Variants in BBOX1 observed in about 807,000 individuals in gnomAD.
BBOX1 encodes gamma-butyrobetaine hydroxylase 1.
Under a neutral mutation model 41.6 loss-of-function variants are expected in BBOX1, and 35 were observed. That is an observed-to-expected ratio of 0.84 (90% CI 0.64 to 1.11). BBOX1 has a LOEUF of 1.11. Ranked by LOEUF, BBOX1 falls within the 50% of genes most tolerant of loss-of-function variation. BBOX1 has a pLI of 0.00. For missense variants in BBOX1, 458 were observed against 460.6 expected, an observed-to-expected ratio of 0.99 and a Z score of 0.05; for synonymous variants, 163 against 154.7, an observed-to-expected ratio of 1.05 and a Z score of -0.40.
chr11:27,124,423 C>T (rs189685853), intron 7 of BBOX1, among the ~76,000 whole-genome samples: 4 of 152,302 alleles, frequency 2.6e-5, no homozygotes, highest in Non-Finnish European at 5.9e-5. Flanking sequence ...AAAAGAGTTT[C>T]CTCTTTTTGC....
intron 5 of BBOX1, among the ~76,000 whole-genome samples, chr11:27,107,665 C>T (rs1049918149): frequency 6.6e-6 from 1 of 152,016 alleles, no homozygotes; most frequent in African/African-American, 2.4e-5. Flanking sequence ...CTTCATCTCA[C>T]CAAGGCCTCA....
chr11:27,057,152 G>C lies in BBOX1; in HGVS notation c.220-49G>C, dbSNP rs201285190. ...CATTCAAAAACAGAGCAATAGTGGA[G>C]AACGGAAATAAAATCCACATAGGTG... is the stretch of plus-strand genomic sequence containing the variant. On this transcript the variant is annotated intron_variant, in intron 3 of 8. Transcript: ENST00000263182. 1.6e-4 allele frequency: 205 copies of C among 1,277,348 alleles called. 2 individuals carry two copies. The highest frequency in any genetic ancestry group is 9.8e-5 in the Non-Finnish European group (90 of 922,876). 79.1% of individuals were successfully genotyped at this position (1,277,348 alleles called of 1,614,324 possible).
chr11:27,061,654 G>T (rs757564925), intron 4 of BBOX1, among the ~76,000 whole-genome samples: 10 of 152,086 alleles, frequency 6.6e-5, no homozygotes, highest in South Asian at 2.1e-4. Context: ...TTGGAGTGAG[G>T]GTTACAGAGC....
chr11:27,047,905 A>G (rs1377177520), intron 2 of BBOX1, among the ~76,000 whole-genome samples: 1 of 152,136 alleles, frequency 6.6e-6, no homozygotes, highest in African/African-American at 2.4e-5. Context: ...TATTACTACT[A>G]TTGTAATCTT....
At chr11:27,115,656 T>A in intron 6 of BBOX1, 99 bp downstream of exon 6, 1 of 1,074,332 alleles carries the variant, frequency 9.3e-7, no homozygotes, top group Non-Finnish European at 1.3e-6. Context: ...AGGTAGTTTG[T>A]CTTTTATAAA....
chr11:27,090,884 C>G (rs1022225198), intron 4 of BBOX1, among the ~76,000 whole-genome samples: 1 of 151,862 alleles, frequency 6.6e-6, no homozygotes, highest in African/African-American at 2.4e-5. Context: ...CGATCTCTTC[C>G]CTACTTGCAC....
intron 5 of BBOX1, 29 bp from the exon 6 acceptor site, chr11:27,115,422 GT>G (rs2134094610): frequency 6.4e-7 from 1 of 1,574,730 alleles, no homozygotes; most frequent in East Asian, 2.3e-5. Context: ...GTGACAACCT[GT>G]TTAAACATGT....
At chr11:27,125,854 C>G (rs1431844760) in intron 8 of BBOX1, 34 bp downstream of exon 8, 1 of 1,587,326 alleles carries the variant, frequency 6.3e-7, no homozygotes, top group Non-Finnish European at 8.6e-7. Context: ...TAACCAAAAG[C>G]ATGGATTTTC....
intron 5 of BBOX1, among the ~76,000 whole-genome samples, chr11:27,095,082 G>A (rs1858389703): frequency 6.6e-6 from 1 of 151,978 alleles, no homozygotes; most frequent in Non-Finnish European, 1.5e-5. Context: ...AAAGGAACCA[G>A]AGTCTGTCCT....
In BBOX1 at chr11:27,041,466, G is replaced by C. The variant is rs1199263280; in HGVS notation, c.-51G>C. 1 of 152,188 alleles carries C rather than the reference G, an allele frequency of 6.6e-6. No homozygotes were observed. Among genetic ancestry groups the C allele is most frequent in the South Asian group, 2.1e-4 (1 of 4,828 alleles). 9.4% of individuals were successfully genotyped at this position (152,188 alleles called of 1,614,324 possible). ...AAGGATCTAAGGACCAAAGCTGACA[G>C]TTTCTTTACTTGGTAAGTTTTGGGT... On this transcript the variant is annotated 5_prime_UTR_variant, in exon 2 of 9. Transcript: ENST00000263182.
intron 4 of BBOX1, among the ~76,000 whole-genome samples, chr11:27,067,189 TTTC>T (rs1365038380): frequency 2.0e-5 from 3 of 152,178 alleles, no homozygotes; most frequent in African/African-American, 7.2e-5. Flanking sequence ...CTCTGAGAGT[TTTC>T]TTTTTTGTTT....
chr11:27,083,422 C>A (rs1857923747), intron 4 of BBOX1, among the ~76,000 whole-genome samples: 1 of 152,052 alleles, frequency 6.6e-6, no homozygotes, highest in South Asian at 2.1e-4. Flanking sequence ...TCATCTGGTA[C>A]ACGCCCTCTT....
chr11:27,118,230 AAACT>A (rs1859335383), intron 6 of BBOX1, among the ~76,000 whole-genome samples: 1 of 152,016 alleles, frequency 6.6e-6, no homozygotes, highest in Non-Finnish European at 1.5e-5. Context: ...TGAAACATCC[AAACT>A]AAGTGACTTG....
intron 4 of BBOX1, among the ~76,000 whole-genome samples, chr11:27,078,063 T>C (rs1857697606): frequency 6.6e-6 from 1 of 152,076 alleles, no homozygotes; most frequent in Admixed American, 6.6e-5. Context: ...CTTCTTTTAT[T>C]GTCCAAGTTC....
At chr11:27,117,570 G>T (rs1051357165) in intron 6 of BBOX1, among the ~76,000 whole-genome samples, 1 of 151,944 alleles carries the variant, frequency 6.6e-6, no homozygotes, top group Non-Finnish European at 1.5e-5. Context: ...AACATAGCTT[G>T]AGGGAGTTGG....
intron 4 of BBOX1, among the ~76,000 whole-genome samples, chr11:27,089,172 A>C (rs918782138): frequency 4.2e-5 from 6 of 141,236 alleles, no homozygotes; most frequent in Non-Finnish European, 6.1e-5. Context: ...AGTCACATAC[A>C]TATGGCTATT....
rs573466735 is a variant in BBOX1 at position 27,109,807 on chromosome 11, T to TG, written c.534-5640dup. On this transcript the variant is annotated intron_variant, in intron 5 of 8. Transcript: ENST00000263182. ...TTTCCTGGTTGTAGTACATAGTGTATGGGGGAATACCAGAGGCAGGGTAGA... is the reference window on the plus strand; with the variant it reads ...TTTCCTGGTTGTAGTACATAGTGTATGGGGGGAATACCAGAGGCAGGGTAGA... Among the ~76,000 whole-genome samples, 61 of 152,052 alleles carry TG rather than the reference T, an allele frequency of 4.0e-4. 1 individual carries two copies. The South Asian group carries it at 0.012, about 31-fold the overall frequency.
chr11:27,080,299 A>AC (rs1225803005), intron 4 of BBOX1, among the ~76,000 whole-genome samples: 1 of 152,086 alleles, frequency 6.6e-6, no homozygotes, highest in Non-Finnish European at 1.5e-5. Context: ...TGCTCACAGC[A>AC]ATTTGTATGG....
At chr11:27,054,972 A>G (rs1856934481) in intron 2 of BBOX1, among the ~76,000 whole-genome samples, 1 of 152,142 alleles carries the variant, frequency 6.6e-6, no homozygotes, top group African/African-American at 2.4e-5. Context: ...TTTTTTCAAA[A>G]GCCATGTCCA....
Sources: allele counts gnomAD v4.1 joint callset (sites outside exome capture counted in the v4.1 genomes callset), GRCh38; gene constraint gnomAD v4.1.1; transcripts MANE v1.5; gene names NCBI Gene and HGNC (gene_info 2026-07-23, HGNC 2026-07-21).